FGF12: variants seen among roughly 807,000 people sequenced by gnomAD.
FGF12 encodes fibroblast growth factor 12, also known as fibroblast growth factor 12B.
In FGF12, 14 loss-of-function variants were observed where a neutral mutation model predicts 23.6. The observed-to-expected ratio is 0.59, with a 90% CI of 0.39 to 0.93. The LOEUF (loss-of-function observed/expected upper bound fraction) is 0.93, where lower values mean the gene tolerates loss of function less well. Among genes scored for constraint, FGF12 ranks in the 40% least tolerant of loss-of-function variants. FGF12 has a pLI of 0.00. For synonymous variants in FGF12, 62 were observed against 77.3 expected, an observed-to-expected ratio of 0.80 and a Z score of 1.04; for missense variants, 175 against 217.8, an observed-to-expected ratio of 0.80 and a Z score of 1.24.
At position 192,438,735 on chromosome 3, in the gene FGF12, G is replaced by T. The variant is rs546257798; in HGVS notation, c.14-78197C>A. Among the ~76,000 whole-genome samples the T allele has an allele frequency of 1.3e-4, 20 of 151,952 alleles. No individual in the cohort carries two copies. The East Asian group carries it at 3.5e-3, about 26-fold the overall frequency. ...TGAGTATTCCAATAACAACGTTTGT[G>T]CTTGACCAGTAGGAGTGGAGTCTTT... is the stretch of plus-strand genomic sequence containing the variant. On this transcript the variant is annotated intron_variant, in intron 2 of 5. Coordinates refer to ENST00000445105, the MANE Select transcript of FGF12 (RefSeq NM_004113.6).
chr3:192,591,553 G>A (rs762491110), intron 2 of FGF12, among the ~76,000 whole-genome samples: 2 of 151,802 alleles, frequency 1.3e-5, no homozygotes, highest in Non-Finnish European at 2.9e-5. Flanking sequence ...TCAGGCCAAG[G>A]CCCATCAAGC....
intron 2 of FGF12, among the ~76,000 whole-genome samples, chr3:192,567,351 GA>G (rs1237579774): frequency 6.7e-6 from 1 of 149,206 alleles, no homozygotes; most frequent in Admixed American, 6.7e-5. Context: ...CGAAGTTGGA[GA>G]AAAAAAAAGG....
chr3:192,350,329 TAAC>T (rs975383052), intron 3 of FGF12, among the ~76,000 whole-genome samples: 18 of 151,990 alleles, frequency 1.2e-4, no homozygotes, highest in Non-Finnish European at 2.2e-4. Flanking sequence ...GTGAAAGAAA[TAAC>T]ATAAGCAAGT....
rs115580931 is a variant in FGF12, at chr3:192,239,501, A to C, written c.229-68845T>G. 1.4e-3 allele frequency among the ~76,000 whole-genome samples: 216 copies of C among 152,110 alleles called. 1 individual carries two copies. Among genetic ancestry groups the C allele is most frequent in the Non-Finnish European group, 1.9e-3 (129 of 67,978 alleles). On this transcript the variant is annotated intron_variant, in intron 4 of 5. Transcript: ENST00000445105. ...GTGTGTGATGGACCAGGGGCCCCCA[A>C]CTCCTGGGCCACAGACTGGTACTGG...
At chr3:192,477,216 G>A (rs906112910) in intron 2 of FGF12, among the ~76,000 whole-genome samples, 1 of 152,130 alleles carries the variant, frequency 6.6e-6, no homozygotes, top group Non-Finnish European at 1.5e-5. Flanking sequence ...GAAACTAGAG[G>A]AATAAAGACT....
chr3:192,629,252 C>G lies in FGF12; in HGVS notation c.13+97929G>C, dbSNP rs1577087412. On this transcript the variant is annotated intron_variant, in intron 2 of 5. Coordinates refer to ENST00000445105, the MANE Select transcript of FGF12 (RefSeq NM_004113.6). ...CATATCATGTTCTCCAAAAGTAACC[C>G]ACTGAACACAGCAAGTTGATTTACT... 2.0e-5 allele frequency among the ~76,000 whole-genome samples: 3 copies of G among 152,268 alleles called. No homozygotes were observed. The East Asian group carries it at 5.8e-4, about 29-fold the overall frequency.
chr3:192,475,611 A>C (rs923447331), intron 2 of FGF12, among the ~76,000 whole-genome samples: 3 of 152,262 alleles, frequency 2.0e-5, no homozygotes, highest in African/African-American at 7.2e-5. Flanking sequence ...AGCCAAACAG[A>C]AAAAGCCAGA....
chr3:192,200,298 C>T (rs1717299289), intron 4 of FGF12, among the ~76,000 whole-genome samples: 1 of 151,752 alleles, frequency 6.6e-6, no homozygotes, highest in Admixed American at 6.6e-5. Context: ...CACTGCACTC[C>T]AGCATGGGTG....
intron 5 of FGF12, among the ~76,000 whole-genome samples, chr3:192,170,193 G>T (rs1229143761): frequency 7.1e-6 from 1 of 141,426 alleles, no homozygotes; most frequent in Non-Finnish European, 1.5e-5. Flanking sequence ...TGAGGCAGGA[G>T]AATTGCTCGA....
intron 2 of FGF12, among the ~76,000 whole-genome samples, chr3:192,416,559 A>G (rs1721359162): frequency 6.6e-6 from 1 of 152,160 alleles, no homozygotes; most frequent in South Asian, 2.1e-4. Flanking sequence ...TATGGAGGAA[A>G]TACAGCATAT....
intron 4 of FGF12, among the ~76,000 whole-genome samples, chr3:192,320,498 T>C (rs1194835113): frequency 6.6e-6 from 1 of 152,170 alleles, no homozygotes; most frequent in African/African-American, 2.4e-5. Context: ...ATTAAATGGC[T>C]GCAGAATATA....
At chr3:192,680,838 A>T (rs1262215863) in intron 2 of FGF12, among the ~76,000 whole-genome samples, 1 of 152,224 alleles carries the variant, frequency 6.6e-6, no homozygotes, top group East Asian at 1.9e-4. Flanking sequence ...ATTAGATGCT[A>T]GACTCATAAT....
chr3:192,333,813 T>G (rs935020542), intron 4 of FGF12, among the ~76,000 whole-genome samples: 1 of 151,806 alleles, frequency 6.6e-6, no homozygotes, highest in African/African-American at 2.4e-5. Context: ...TAATGTGCAC[T>G]GGGGAGAATT....
At chr3:192,190,127 T>C (rs1338209643) in intron 4 of FGF12, among the ~76,000 whole-genome samples, 3 of 152,150 alleles carry the variant, frequency 2.0e-5, no homozygotes, top group South Asian at 2.1e-4. Flanking sequence ...TATTTTGAAA[T>C]TATGTTGCAT....
In FGF12 at chr3:192,143,614, T is replaced by C. The variant is rs1366388373; in HGVS notation, c.*395A>G. 6.2e-6 allele frequency: 1 copy of C among 161,232 alleles called. No individual in the cohort carries two copies. Among genetic ancestry groups the C allele is most frequent in the Non-Finnish European group, 1.3e-5 (1 of 74,162 alleles). 10.0% of individuals were successfully genotyped at this position (161,232 alleles called of 1,614,324 possible). A position where few individuals can be genotyped will look rare whatever the true frequency, so the allele number is the denominator to read the frequency against. On this transcript the variant is annotated 3_prime_UTR_variant, in exon 6 of 6. Transcript: ENST00000445105. ...TATCATGAGTTTAAGCTATTGAGTA[T>C]ATAACATCAGTTTGTGAGTTCAATT...
At chr3:192,177,959 G>C (rs1715950273) in intron 4 of FGF12, among the ~76,000 whole-genome samples, 1 of 151,946 alleles carries the variant, frequency 6.6e-6, no homozygotes, top group East Asian at 1.9e-4. Context: ...TAAGCTTCTT[G>C]AAAGTAGCTA....
chr3:192,184,983 C>T (rs943513254), intron 4 of FGF12, among the ~76,000 whole-genome samples: 3 of 152,190 alleles, frequency 2.0e-5, no homozygotes, highest in Admixed American at 6.5e-5. Context: ...GATTTCATTA[C>T]AATTTATAGT....
intron 2 of FGF12, among the ~76,000 whole-genome samples, chr3:192,669,281 C>T (rs1198865327): frequency 6.6e-6 from 1 of 151,946 alleles, no homozygotes; most frequent in Admixed American, 6.6e-5. Flanking sequence ...GTGTGATTGA[C>T]AGATGGAACA....
chr3:192,455,878 T>A (rs1342534523), intron 2 of FGF12, among the ~76,000 whole-genome samples: 3 of 152,176 alleles, frequency 2.0e-5, no homozygotes, highest in Non-Finnish European at 4.4e-5. Context: ...CAATTCCACA[T>A]ACATGCATTA....
Sources: allele counts gnomAD v4.1 joint callset (sites outside exome capture counted in the v4.1 genomes callset), GRCh38; gene constraint gnomAD v4.1.1; transcripts MANE v1.5; gene names NCBI Gene and HGNC (gene_info 2026-07-23, HGNC 2026-07-21).